The following ADCY9 variants were observed in gnomAD, a reference collection of about 807,000 sequenced individuals.
ADCY9 encodes the protein adenylate cyclase 9.
A neutral mutation model predicts 101.5 loss-of-function variants in ADCY9; 50 were observed. The observed-to-expected ratio is 0.49, with a 90% CI of 0.39 to 0.62. The LOEUF is 0.62. Among genes scored for constraint, ADCY9 ranks in the 20% least tolerant of loss-of-function variants. ADCY9 has a pLI of 0.00. For synonymous variants in ADCY9, 905 were observed against 769.3 expected, an observed-to-expected ratio of 1.18 and a Z score of -2.92; for missense variants, 1,662 against 1,800.4, an observed-to-expected ratio of 0.92 and a Z score of 1.39.
intron 2 of ADCY9, among the ~76,000 whole-genome samples, chr16:4,110,291 C>T (rs1465638755): frequency 6.6e-6 from 1 of 151,932 alleles, no homozygotes; most frequent in East Asian, 1.9e-4. Flanking sequence ...TGTTATACGG[C>T]TCCATGACTG....
At chr16:4,079,437 C>T (rs1455713664) in intron 2 of ADCY9, among the ~76,000 whole-genome samples, 1 of 152,040 alleles carries the variant, frequency 6.6e-6, no homozygotes, top group Non-Finnish European at 1.5e-5. Context: ...GGTGTGGTGG[C>T]GGACGCCTGT....
intron 3 of ADCY9, among the ~76,000 whole-genome samples, chr16:3,996,408 C>A (rs1278310816): frequency 6.6e-6 from 1 of 152,116 alleles, no homozygotes; most frequent in Non-Finnish European, 1.5e-5. Context: ...GCCAATGAGA[C>A]CACTGCTCTT....
intron 2 of ADCY9, among the ~76,000 whole-genome samples, chr16:4,101,281 AT>A (rs34733913): frequency 9.7e-4 from 131 of 135,500 alleles, no homozygotes; most frequent in South Asian, 4.0e-3. Context: ...TGTTCAGGTG[AT>A]TTTTTTTTTT....
intron 3 of ADCY9, among the ~76,000 whole-genome samples, chr16:4,004,349 A>C (rs2056352838): frequency 6.6e-6 from 1 of 151,726 alleles, no homozygotes; most frequent in African/African-American, 2.4e-5. Context: ...CTTTGACATC[A>C]CTATCATTTC....
downstream of ADCY9, among the ~76,000 whole-genome samples, chr16:3,961,160 C>A (rs940406478): frequency 6.6e-6 from 1 of 152,150 alleles, no homozygotes; most frequent in Non-Finnish European, 1.5e-5. Flanking sequence ...GAAAGACCCA[C>A]GTTCTGGCTG....
intron 10 of ADCY9, among the ~76,000 whole-genome samples, chr16:3,973,872 A>T (rs1456514223): frequency 6.6e-6 from 1 of 152,140 alleles, no homozygotes; most frequent in African/African-American, 2.4e-5. Context: ...TATTATTTGT[A>T]AGCCTGGAAA....
chr16:4,098,834 TG>T (rs2057024978), intron 2 of ADCY9, among the ~76,000 whole-genome samples: 2 of 152,170 alleles, frequency 1.3e-5, no homozygotes, highest in South Asian at 4.1e-4. Flanking sequence ...GCAGCTGTCC[TG>T]GGGGATGGAG....
chr16:4,015,984 AAG>A (rs910683113), intron 2 of ADCY9, among the ~76,000 whole-genome samples: 1 of 152,032 alleles, frequency 6.6e-6, no homozygotes, highest in Non-Finnish European at 1.5e-5. Flanking sequence ...ATAAAAGAAA[AAG>A]AAAACGAAAA....
At chr16:3,991,336 C>T (rs1403696301) in intron 5 of ADCY9, among the ~76,000 whole-genome samples, 1 of 152,104 alleles carries the variant, frequency 6.6e-6, no homozygotes, top group Non-Finnish European at 1.5e-5. Context: ...CACTGCGTGT[C>T]CCTGGAGAGG....
At position 3,964,238 on chromosome 16, in the gene ADCY9, C is replaced by T. The variant is rs920799144; in HGVS notation, c.*1537G>A. On this transcript the variant is annotated 3_prime_UTR_variant, in exon 11 of 11. Transcript: ENST00000294016. ...GACTGACAAGGAGTGCACCCTGGGC[C>T]TCATCAGCGTCCCGGGGTCCCCTGA... is the stretch of plus-strand genomic sequence containing the variant. 1.3e-5 allele frequency: 2 copies of T among 152,304 alleles called. No individual in the cohort carries two copies. The highest frequency in any genetic ancestry group is 6.5e-5 in the Admixed American group (1 of 15,286). 9.4% of individuals were successfully genotyped at this position (152,304 alleles called of 1,614,324 possible).
intron 2 of ADCY9, among the ~76,000 whole-genome samples, chr16:4,031,594 G>T (rs2056555456): frequency 6.6e-6 from 1 of 152,142 alleles, no homozygotes; most frequent in African/African-American, 2.4e-5. Flanking sequence ...AAAATGAAAA[G>T]TTGCGAAGGC....
intron 2 of ADCY9, among the ~76,000 whole-genome samples, chr16:4,108,359 C>CTTTTTTTTT (rs1491172269): frequency 7.5e-5 from 4 of 53,492 alleles, no homozygotes; most frequent in South Asian, 1.5e-3. Context: ...ACCGTTTCTT[C>CTTTTTTTTT]ATTTTTTTTT....
At position 3,979,163 on chromosome 16, in the gene ADCY9, G is replaced by A. The variant is rs116402482; in HGVS notation, c.2632C>T (p.Leu878=). The change falls in exon 8 of 11, where the codon CTG becomes TTG. Residue 878 remains leucine, a synonymous_variant. Transcript: ENST00000294016. ...IGAILVSLPA[L]AVYSHVTSEY... is the part of the protein sequence containing the mutation. ...GAGGTGACATGGGAGTAGACGGCCA[G>A]TGCGGGAAGCGACACCAGGATGGCC... The A allele has an allele frequency of 1.0e-3, 1,687 of 1,614,214 alleles. 15 individuals carry two copies. The African/African-American group carries it at 0.016, about 16-fold the overall frequency.
intron 2 of ADCY9, among the ~76,000 whole-genome samples, chr16:4,110,998 C>T (rs2057110434): frequency 6.6e-6 from 1 of 152,222 alleles, no homozygotes; most frequent in African/African-American, 2.4e-5. Context: ...ACGGATCCTG[C>T]TCCACATCCA....
chr16:3,973,584 A>G (rs372143688), intron 10 of ADCY9, among the ~76,000 whole-genome samples: 43 of 152,028 alleles, frequency 2.8e-4, no homozygotes, highest in African/African-American at 9.7e-4. Context: ...ATGCAGCCTC[A>G]AATTCCCGGC....
chr16:4,107,858 G>A (rs1260291724), intron 2 of ADCY9, among the ~76,000 whole-genome samples: 1 of 152,150 alleles, frequency 6.6e-6, no homozygotes, highest in Non-Finnish European at 1.5e-5. Flanking sequence ...TCCGTCCACT[G>A]TCGGTCTGTC....
chr16:3,969,516 G>C (rs1346543029), intron 10 of ADCY9, among the ~76,000 whole-genome samples: 26 of 132,890 alleles, frequency 2.0e-4, no homozygotes, highest in Non-Finnish European at 2.8e-4. Flanking sequence ...TGGGATTACA[G>C]GTGTGAGCCA....
At position 4,012,896 on chromosome 16, in the gene ADCY9, C is replaced by G. The variant is rs1156827634; in HGVS notation, c.1694-5338G>C. Among the ~76,000 whole-genome samples the G allele has an allele frequency of 1.1e-4, 16 of 152,210 alleles. No homozygotes were observed. In the East Asian group the frequency reaches 3.1e-3, roughly 29 times the overall value. The stretch of plus-strand genomic sequence containing the variant: ...TGTCCCAGTCTCTTTCTGTGGGATT[C>G]TTGCCTTGGACTGAGATACCCTCAG... On this transcript the variant is annotated intron_variant, in intron 2 of 10. Coordinates refer to ENST00000294016, the MANE Select transcript of ADCY9 (RefSeq NM_001116.4).
chr16:4,031,193 A>G (rs1022966237), intron 2 of ADCY9, among the ~76,000 whole-genome samples: 1 of 152,156 alleles, frequency 6.6e-6, no homozygotes, highest in Non-Finnish European at 1.5e-5. Flanking sequence ...TGTCAATGTT[A>G]TATTTCTTGA....
Sources: gnomAD v4.1 joint callset for allele counts (sites outside exome capture counted in the v4.1 genomes callset) on GRCh38, gnomAD v4.1.1 for gene constraint, MANE v1.5 for transcripts, NCBI Gene and HGNC (gene_info 2026-07-23, HGNC 2026-07-21) for gene names.